Variants in GAS2L3 observed in about 807,000 individuals in gnomAD.
GAS2L3 encodes GAS2-like protein 3.
GAS2L3 carries 28 observed loss-of-function variants against 37.0 expected under a neutral mutation model. The observed-to-expected ratio is 0.76, with a 90% CI of 0.56 to 1.04. GAS2L3 has a LOEUF of 1.04. GAS2L3 is among the 50% of genes least tolerant of loss of function. GAS2L3 has a pLI of 0.00. For synonymous variants in GAS2L3, 290 were observed against 296.6 expected (o/e 0.98, Z 0.23); for missense variants, 793 against 817.6 (o/e 0.97, Z 0.37).
At chr12:100,593,327 A>G (rs1026930634) in intron 2 of GAS2L3, among the ~76,000 whole-genome samples, 6 of 152,140 alleles carry the variant, frequency 3.9e-5, no homozygotes, top group African/African-American at 1.4e-4. Context: ...CCAGATGGTT[A>G]TATTTTTGTC....
intron 5 of GAS2L3, among the ~76,000 whole-genome samples, chr12:100,602,037 A>G (rs1275444925): frequency 2.6e-5 from 4 of 152,148 alleles, no homozygotes; most frequent in African/African-American, 9.6e-5. Flanking sequence ...ATCAAATTAA[A>G]TGGGTGAATG....
intron 5 of GAS2L3, among the ~76,000 whole-genome samples, chr12:100,608,002 C>T (rs539607775): frequency 1.3e-5 from 2 of 152,046 alleles, no homozygotes; most frequent in Non-Finnish European, 2.9e-5. Context: ...AAGAGTTAGG[C>T]ATTTATTGTA....
Position 100,578,792 on chromosome 12 carries a change from C to T in GAS2L3, c.-152+5007C>T, listed in dbSNP as rs193002256. On this transcript the variant is annotated intron_variant, in intron 1 of 9. Transcript: ENST00000547754. ...GCATGGCCAGCCTCCCTCAGCTACA[C>T]TGTCTCAGGTTAGCCCTGGAAGTCT... 5.5e-4 allele frequency: 337 copies of T among 608,962 alleles called. 3 individuals are homozygous for T. The East Asian group carries it at 9.9e-3, about 18-fold the overall frequency. 37.7% of individuals were successfully genotyped at this position (608,962 alleles called of 1,614,324 possible).
At chr12:100,603,431 G>A (rs1956017393) in intron 5 of GAS2L3, among the ~76,000 whole-genome samples, 1 of 152,056 alleles carries the variant, frequency 6.6e-6, no homozygotes, top group South Asian at 2.1e-4. Flanking sequence ...TGCCATTTGT[G>A]TGTCTTTTTG....
At chr12:100,579,163 C>T in intron 1 of GAS2L3, 1 of 670,714 alleles carries the variant, frequency 1.5e-6, no homozygotes, top group Admixed American at 2.1e-5. Flanking sequence ...ATGTTCTCTT[C>T]CATGCCAAGA....
chr12:100,598,891 C>T (rs1428166767), intron 3 of GAS2L3, among the ~76,000 whole-genome samples: 2 of 152,198 alleles, frequency 1.3e-5, no homozygotes, highest in East Asian at 3.9e-4. Context: ...GATTGGCTCC[C>T]ATTTGATAAA....
At chr12:100,586,852 G>GA (rs1292374951) in intron 1 of GAS2L3, among the ~76,000 whole-genome samples, 1 of 151,830 alleles carries the variant, frequency 6.6e-6, no homozygotes, top group Non-Finnish European at 1.5e-5. Context: ...GAAAAGAAGA[G>GA]AAAAAATCCA....
At position 100,623,662 on chromosome 12, in the gene GAS2L3, C is replaced by T; in HGVS notation, c.857C>T (p.Ala286Val). Residue 286 changes from alanine (A) to valine (V), a missense_variant, in exon 10 of 10, where the codon GCC (alanine) becomes GTC (valine). Coordinates refer to ENST00000547754, the MANE Select transcript of GAS2L3 (RefSeq NM_174942.3). ...KYDPCRILQF[A>V]TLEQKILAFQ... ...GACCCCTGTCGAATATTACAGTTTGCCACATTAGAACAAAAAATTTTAGCA... is the reference window on the plus strand; with the variant it reads ...GACCCCTGTCGAATATTACAGTTTGTCACATTAGAACAAAAAATTTTAGCA... The T allele has an allele frequency of 6.2e-7, 1 of 1,613,834 alleles. No homozygotes were observed. The highest frequency in any genetic ancestry group is 8.5e-7 in the Non-Finnish European group (1 of 1,179,862).
chr12:100,624,336 C>T lies in GAS2L3; in HGVS notation c.1531C>T (p.Pro511Ser). The T allele has an allele frequency of 6.2e-7, 1 of 1,613,986 alleles. No homozygotes were observed. The highest frequency in any genetic ancestry group is 1.1e-5 in the South Asian group (1 of 91,074). Residue 511 changes from proline (P) to serine (S), a missense_variant, in exon 10 of 10, where the codon CCT becomes TCT. Physicochemically the swap from Pro to Ser is moderately conservative, Grantham distance 74. Coordinates refer to ENST00000547754, the MANE Select transcript of GAS2L3 (RefSeq NM_174942.3). ...GCCTAAAGCAAATATACCTGTAAGA[C>T]CTAAACCTTCTTTCCAGTCCTCTGC... Reference protein sequence around the residue: ...KLPKANIPVRPKPSFQSSAKM... With the variant: ...KLPKANIPVRSKPSFQSSAKM...
At chr12:100,575,476 ATT>A (rs58446699) in intron 1 of GAS2L3, among the ~76,000 whole-genome samples, 7 of 88,784 alleles carry the variant, frequency 7.9e-5, no homozygotes, top group Non-Finnish European at 6.0e-5. Context: ...TGTTATCTCT[ATT>A]TTTTTTTTTT....
intron 2 of GAS2L3, chr12:100,594,651 T>C (rs1462544820): frequency 7.8e-6 from 2 of 254,946 alleles, no homozygotes; most frequent in Non-Finnish European, 1.6e-5. Flanking sequence ...AAATACATAT[T>C]ATATTAAAGT....
intron 8 of GAS2L3, among the ~76,000 whole-genome samples, chr12:100,620,616 A>G (rs1956241117): frequency 6.6e-6 from 1 of 152,046 alleles, no homozygotes; most frequent in Admixed American, 6.6e-5. Flanking sequence ...CTCTAAATAT[A>G]TGTGTGCTAT....
chr12:100,613,032 G>A (rs1956145142), intron 6 of GAS2L3, among the ~76,000 whole-genome samples: 1 of 152,036 alleles, frequency 6.6e-6, no homozygotes, highest in Non-Finnish European at 1.5e-5. Flanking sequence ...AGCAAGCATG[G>A]GATGCTATTT....
At chr12:100,606,292 G>A (rs11525609) in intron 5 of GAS2L3, among the ~76,000 whole-genome samples, 24,656 of 151,884 alleles carry the variant, frequency 0.16, 2,863 homozygotes, top group East Asian at 0.48. Context: ...CATTTTGTCT[G>A]ATATAAATAT....
At chr12:100,622,243 A>C (rs761125010) in intron 8 of GAS2L3, 32 bp from the exon 9 acceptor site, 6 of 1,182,444 alleles carry the variant, frequency 5.1e-6, no homozygotes, top group Non-Finnish European at 6.2e-6. Context: ...TTTTTGTGAC[A>C]AGCACTAAAT....
intron 2 of GAS2L3, among the ~76,000 whole-genome samples, chr12:100,593,101 A>C (rs532153457): frequency 2.6e-5 from 4 of 152,114 alleles, no homozygotes; most frequent in African/African-American, 9.7e-5. Context: ...ACACAAAAAT[A>C]TCTTGGAAAG....
chr12:100,579,284 A>T (rs1308022409), intron 1 of GAS2L3: 1 of 624,050 alleles, frequency 1.6e-6, no homozygotes, highest in East Asian at 2.7e-5. Flanking sequence ...CACAAGCCGT[A>T]TCATTTGCGT....
intron 5 of GAS2L3, among the ~76,000 whole-genome samples, chr12:100,607,492 C>T (rs1450865167): frequency 6.6e-6 from 1 of 152,040 alleles, no homozygotes; most frequent in Admixed American, 6.6e-5. Flanking sequence ...TGTGATAATA[C>T]CCCTTTGAAT....
intron 1 of GAS2L3, among the ~76,000 whole-genome samples, chr12:100,582,520 T>C (rs1335606396): frequency 1.3e-5 from 2 of 152,218 alleles, no homozygotes; most frequent in Non-Finnish European, 2.9e-5. Context: ...AAACACATTG[T>C]TCTACCCTGC....
Sources: allele counts gnomAD v4.1 joint callset (sites outside exome capture counted in the v4.1 genomes callset), GRCh38; gene constraint gnomAD v4.1.1; transcripts MANE v1.5; gene names NCBI Gene and HGNC (gene_info 2026-07-23, HGNC 2026-07-21).